BIRC6: variants seen among roughly 807,000 people sequenced by gnomAD.
BIRC6 encodes baculoviral IAP repeat containing 6.
BIRC6 carries 98 observed loss-of-function variants against 503.3 expected under a neutral mutation model. That is an observed-to-expected ratio of 0.19 (90% confidence interval 0.17 to 0.23). BIRC6 has a LOEUF of 0.23. Among genes scored for constraint, BIRC6 ranks in the 10% least tolerant of loss-of-function variants. The pLI is 1.00. For synonymous variants in BIRC6, 2,240 were observed against 2,078.7 expected (o/e 1.08, Z -2.11); for missense variants, 5,360 against 5,806.0 (o/e 0.92, Z 2.50).
At chr2:32,542,266 G>A (rs2057720183) in intron 61 of BIRC6, among the ~76,000 whole-genome samples, 1 of 151,980 alleles carries the variant, frequency 6.6e-6, no homozygotes, top group Non-Finnish European at 1.5e-5. Flanking sequence ...AAGGAAATCA[G>A]GGCTCCTTGG....
At chr2:32,509,235 A>G (rs1213214372) in intron 51 of BIRC6, among the ~76,000 whole-genome samples, 1 of 152,122 alleles carries the variant, frequency 6.6e-6, no homozygotes, top group African/African-American at 2.4e-5. Context: ...CTATGAATAC[A>G]AGTACTTTTG....
At chr2:32,534,053 G>C (rs1047768701) in intron 61 of BIRC6, among the ~76,000 whole-genome samples, 1 of 152,108 alleles carries the variant, frequency 6.6e-6, no homozygotes, top group African/African-American at 2.4e-5. Flanking sequence ...TGTTAGGTGT[G>C]TTTAATAAGA....
Position 32,415,515 on chromosome 2 carries a change from G to A in BIRC6, c.2224G>A (p.Gly742Arg), listed in dbSNP as rs2042294407. The A allele has an allele frequency of 1.2e-6, 2 of 1,613,872 alleles. No homozygotes were observed. The highest frequency in any genetic ancestry group is 1.7e-6 in the Non-Finnish European group (2 of 1,179,912). Reference protein sequence around the residue: ...CIDSITPCADGIHLLVGLRTC... With the variant: ...CIDSITPCADRIHLLVGLRTC... ...AGACTCAATAACTCCTTGTGCTGAC[G>A]GAATTCATTTGTTGGTAGGACTGCG... The change falls in exon 10 of 74, where the codon GGA becomes AGA. Residue 742 changes from glycine (G) to arginine (R), a missense_variant. Coordinates refer to ENST00000421745, the MANE Select transcript of BIRC6 (RefSeq NM_016252.4).
intron 10 of BIRC6, among the ~76,000 whole-genome samples, chr2:32,427,565 C>A (rs2043660250): frequency 6.6e-6 from 1 of 152,170 alleles, no homozygotes; most frequent in Non-Finnish European, 1.5e-5. Context: ...GGATAACAGG[C>A]GTGAGCCACT....
At chr2:32,599,984 G>C (rs2061940807) in intron 70 of BIRC6, 84 bp downstream of exon 70, 1 of 1,339,328 alleles carries the variant, frequency 7.5e-7, no homozygotes, top group African/African-American at 1.5e-5. Flanking sequence ...TTTTGTTTTA[G>C]TTATCTGCTA....
chr2:32,574,318 A>G (rs966491201), intron 65 of BIRC6, among the ~76,000 whole-genome samples: 2 of 151,926 alleles, frequency 1.3e-5, no homozygotes, highest in Non-Finnish European at 1.5e-5. Flanking sequence ...AAGTTTTACC[A>G]TGTTGCCCAG....
chr2:32,573,628 G>T (rs2060065155), intron 65 of BIRC6, among the ~76,000 whole-genome samples: 1 of 152,094 alleles, frequency 6.6e-6, no homozygotes, highest in African/African-American at 2.4e-5. Context: ...ACTTATAAAA[G>T]CCTTAGAAGC....
At chr2:32,466,561 G>C (rs2048563607) in intron 26 of BIRC6, among the ~76,000 whole-genome samples, 1 of 152,238 alleles carries the variant, frequency 6.6e-6, no homozygotes, top group African/African-American at 2.4e-5. Context: ...GTTAAGCAGG[G>C]CTTAAGGAAA....
intron 1 of BIRC6, among the ~76,000 whole-genome samples, chr2:32,370,357 G>C (rs951034548): frequency 3.3e-5 from 5 of 152,152 alleles, no homozygotes; most frequent in Non-Finnish European, 7.4e-5. Flanking sequence ...TGAATGAAGA[G>C]AATCATAACT....
At position 32,508,258 on chromosome 2, in the gene BIRC6, A is replaced by C. The variant is rs780250555; in HGVS notation, c.9979A>C (p.Ser3327Arg). The C allele has an allele frequency of 8.3e-7, 1 of 1,206,698 alleles. No individual in the cohort carries two copies. The highest frequency in any genetic ancestry group is 1.1e-6 in the Non-Finnish European group (1 of 886,994). The allele number at this position is 1,206,698 out of a possible 1,614,324, so 74.7% of individuals were successfully genotyped here. A position where few individuals can be genotyped will look rare whatever the true frequency, so the allele number is the denominator to read the frequency against. Residue 3327 changes from serine (S) to arginine (R), a missense_variant and splice_region_variant, in exon 51 of 74, where the codon AGT becomes CGT. Physicochemically the swap from Ser to Arg is moderately radical, Grantham distance 110. This residue lies in a region of BIRC6 where 62 missense variants were observed against 107.4 expected (regional missense o/e 0.58). Transcript: ENST00000421745. Reference protein sequence around the residue: ...LPSEDQVSKTSIGWLRLLHHC... With the variant: ...LPSEDQVSKTRIGWLRLLHHC... ...ATCTGAAGATCAGGTATCCAAAACA[A>C]GGTATGTTTTGTTTGTCCTTTTTTT...
In BIRC6 at chr2:32,507,980, C is replaced by A; in HGVS notation, c.9701C>A (p.Thr3234Asn). Residue 3234 changes from threonine to asparagine, a missense_variant and splice_region_variant, in exon 51 of 74, where the codon ACC (threonine) becomes AAC (asparagine). Coordinates refer to ENST00000421745, the MANE Select transcript of BIRC6 (RefSeq NM_016252.4). ...ATGATTCAGTTTTCTCTTTTTATAG[C>A]CTGCCCTTCCTCAGTGTCTGTTGAA... Reference protein sequence around the residue: ...HIQPHLASLATCPSSVSVEVS... With the variant: ...HIQPHLASLANCPSSVSVEVS... 1 of 1,610,820 alleles carries A rather than the reference C, an allele frequency of 6.2e-7. No homozygotes were observed. The highest frequency in any genetic ancestry group is 1.1e-5 in the South Asian group (1 of 90,744).
chr2:32,569,543 T>C (rs2059780346), intron 65 of BIRC6, among the ~76,000 whole-genome samples: 3 of 151,996 alleles, frequency 2.0e-5, no homozygotes, highest in African/African-American at 7.3e-5. Flanking sequence ...TAATTTCCTT[T>C]TTGGTTTTTG....
intron 65 of BIRC6, among the ~76,000 whole-genome samples, chr2:32,551,414 G>A (rs983270554): frequency 2.6e-5 from 4 of 152,078 alleles, no homozygotes; most frequent in East Asian, 1.9e-4. Context: ...TCCTGAGTAG[G>A]TGGGATTACA....
chr2:32,466,800 TGTTTTG>T (rs2048586505), intron 26 of BIRC6, among the ~76,000 whole-genome samples: 1 of 152,140 alleles, frequency 6.6e-6, no homozygotes, highest in Admixed American at 6.5e-5. Flanking sequence ...TTTTTTGTTT[TGTTTTG>T]GTTTTGGTTT....
At position 32,514,671 on chromosome 2, in the gene BIRC6, TTTTG is replaced by T. The variant is rs774087830; in HGVS notation, c.10569-307_10569-304del. Among the ~76,000 whole-genome samples the T allele has an allele frequency of 9.3e-4, 142 of 152,290 alleles. 2 individuals carry two copies. The highest frequency in any genetic ancestry group is 3.5e-3 in the Admixed American group (53 of 15,292). The stretch of plus-strand genomic sequence containing the variant: ...CGTAAACATTTGTTTGGCATGATTT[TTTTG>T]TTTGTTTGTTTCTCTACATGACCTT... On this transcript the variant is annotated intron_variant, in intron 54 of 73. Transcript: ENST00000421745.
chr2:32,437,511 A>G lies in BIRC6; in HGVS notation c.3631+1327A>G, dbSNP rs538946802. 5.3e-5 allele frequency among the ~76,000 whole-genome samples: 8 copies of G among 152,358 alleles called. No homozygotes were observed. In the South Asian group the frequency reaches 6.2e-4, roughly 12 times the overall value. The stretch of plus-strand genomic sequence containing the variant: ...CATTTGCTTCCTAATGTTTGTCCAC[A>G]TTCACACATAACCATTTAATTGCAG... On this transcript the variant is annotated intron_variant, in intron 15 of 73. Coordinates refer to ENST00000421745, the MANE Select transcript of BIRC6 (RefSeq NM_016252.4).
chr2:32,434,414 C>G (rs958861380), intron 13 of BIRC6, among the ~76,000 whole-genome samples: 4 of 152,100 alleles, frequency 2.6e-5, no homozygotes, highest in African/African-American at 9.7e-5. Flanking sequence ...TGAAAAATTA[C>G]ATATACGCCT....
chr2:32,594,050 A>C lies in BIRC6; in HGVS notation c.13491A>C (p.Gln4497His), dbSNP rs1323491624. ...IVYAATTSLR[Q>H]ANQEKKLGEY... ...ATGCAGCCACCACCAGTTTGCGGCA[A>C]GCAAATCAGGGTACAAAACTTTTCC... Residue 4497 changes from glutamine to histidine, a missense_variant, in exon 67 of 74, where the codon CAA becomes CAC. Gln to His is a conservative substitution (Grantham distance 24). Around this residue, in one of 16 missense-constraint regions of BIRC6, gnomAD observed 477 missense variants for 574.4 expected, o/e 0.83. Coordinates refer to ENST00000421745, the MANE Select transcript of BIRC6 (RefSeq NM_016252.4). 1 of 1,610,362 alleles carries C rather than the reference A, an allele frequency of 6.2e-7. No individual in the cohort carries two copies. The highest frequency in any genetic ancestry group is 1.3e-5 in the African/African-American group (1 of 74,826).
chr2:32,540,781 C>T (rs1027526547), intron 61 of BIRC6, among the ~76,000 whole-genome samples: 2 of 151,944 alleles, frequency 1.3e-5, no homozygotes, highest in African/African-American at 4.8e-5. Context: ...CTCTAGCATA[C>T]TTGCTGTATA....
Sources: gnomAD v4.1 joint callset for allele counts (sites outside exome capture counted in the v4.1 genomes callset) on GRCh38, gnomAD v4.1.1 for gene constraint, gnomAD v4.1.1 regional missense constraint, MANE v1.5 for transcripts, NCBI Gene and HGNC (gene_info 2026-07-23, HGNC 2026-07-21) for gene names.